The following SLC22A9 variants were observed in gnomAD, a reference collection of about 807,000 sequenced individuals.
The protein encoded by SLC22A9 is solute carrier family 22 member 9, also known as organic anion transporter 7.
Under a neutral mutation model 50.1 loss-of-function variants are expected in SLC22A9, and 64 were observed. That is an observed-to-expected ratio of 1.28 (90% CI 1.04 to 1.57). The LOEUF (loss-of-function observed/expected upper bound fraction) is 1.57. SLC22A9 is among the 40% of genes most tolerant of loss of function. The pLI is 0.00. For missense variants in SLC22A9, 757 were observed against 676.1 expected (o/e 1.12, Z -1.33); for synonymous variants, 261 against 242.5 (o/e 1.08, Z -0.71).
intron 6 of SLC22A9, among the ~76,000 whole-genome samples, chr11:63,405,489 T>A (rs2015021689): frequency 6.6e-6 from 1 of 152,180 alleles, no homozygotes; most frequent in Non-Finnish European, 1.5e-5. Context: ...AACTATTGAC[T>A]CCTTTCTATG....
At position 63,394,083 on chromosome 11, in the gene SLC22A9, T is replaced by C. The variant is rs2014810396; in HGVS notation, c.1073+11806T>C. On this transcript the variant is annotated intron_variant, in intron 6 of 9. Coordinates refer to ENST00000279178, the MANE Select transcript of SLC22A9 (RefSeq NM_080866.3). ...ATATCCTTTCTTCCGTTTGATCAAT[T>C]CAGCTATTGATACTTGTGTATGCTT... Among the ~76,000 whole-genome samples, 3 of 152,166 alleles carry C rather than the reference T, an allele frequency of 2.0e-5. No individual in the cohort carries two copies. In the East Asian group the frequency reaches 5.8e-4, roughly 29 times the overall value.
At chr11:63,407,420 C>A (rs777498038) in intron 7 of SLC22A9, among the ~76,000 whole-genome samples, 15 of 152,202 alleles carry the variant, frequency 9.9e-5, no homozygotes, top group Non-Finnish European at 1.9e-4. Context: ...TTGGTGTGCT[C>A]CACTCCCCCT....
chr11:63,373,361 T>C (rs1223018595), intron 2 of SLC22A9, among the ~76,000 whole-genome samples: 2 of 152,180 alleles, frequency 1.3e-5, no homozygotes, highest in African/African-American at 4.8e-5. Context: ...GGACTTCTGA[T>C]ACTTTAAAAT....
At chr11:63,380,027 C>T (rs1172328135) in intron 5 of SLC22A9, among the ~76,000 whole-genome samples, 3 of 151,652 alleles carry the variant, frequency 2.0e-5, no homozygotes, top group South Asian at 2.1e-4. Flanking sequence ...CCATCGTGCC[C>T]GGCCAAACAA....
At position 63,409,851 on chromosome 11, in the gene SLC22A9, A is replaced by G. The variant is rs773334026; in HGVS notation, c.1651A>G (p.Thr551Ala). 1.2e-6 allele frequency: 2 copies of G among 1,613,590 alleles called. No homozygotes were observed. Among genetic ancestry groups the G allele is most frequent in the African/African-American group, 2.7e-5 (2 of 74,888 alleles). The stretch of plus-strand genomic sequence containing the variant: ...GCAAGAGGATCCGAGAGTGGAAGTG[A>G]CGCAGTTTTAAGGAATTCCAGGAGC... ...PKQEDPRVEV[T>A]QF is the part of the protein sequence containing the mutation. Residue 551 changes from threonine (T) to alanine (A), a missense_variant, in exon 10 of 10, where the codon ACG (threonine) becomes GCG (alanine). Transcript: ENST00000279178.
intron 5 of SLC22A9, among the ~76,000 whole-genome samples, chr11:63,380,360 T>C (rs1354073025): frequency 6.6e-6 from 1 of 152,072 alleles, no homozygotes; most frequent in African/African-American, 2.4e-5. Context: ...AAATGCAAAT[T>C]TTTCTGTCAT....
Position 63,373,797 on chromosome 11 carries a change from A to C in SLC22A9, c.660A>C (p.Leu220Phe). The change falls in exon 3 of 10, where the codon TTA (leucine) becomes TTC (phenylalanine). Residue 220 changes from leucine (L) to phenylalanine (F), a missense_variant and splice_region_variant. Physicochemically the swap from Leu to Phe is conservative, Grantham distance 22. Transcript: ENST00000279178. ...AMSLITNTIM[L>F]IAEWATHRFQ... ...GCCTCATAACAAATACTATTATGTT[A>C]AGTAAGCCAACACTTTGGATCCACA... 3 of 1,607,516 alleles carry C rather than the reference A, an allele frequency of 1.9e-6. No homozygotes were observed. Among genetic ancestry groups the C allele is most frequent in the Non-Finnish European group, 1.7e-6 (2 of 1,177,118 alleles).
At chr11:63,405,650 T>C (rs906625200) in intron 6 of SLC22A9, among the ~76,000 whole-genome samples, 1 of 152,106 alleles carries the variant, frequency 6.6e-6, no homozygotes, top group African/African-American at 2.4e-5. Context: ...AGTTGTACAT[T>C]TTAGTGACAT....
intron 6 of SLC22A9, among the ~76,000 whole-genome samples, chr11:63,394,529 T>C (rs926722669): frequency 2.6e-5 from 4 of 152,160 alleles, no homozygotes; most frequent in Admixed American, 6.6e-5. Flanking sequence ...AATTGTTTTG[T>C]TTGAGGAGGC....
At chr11:63,388,300 A>T (rs1406634066) in intron 6 of SLC22A9, among the ~76,000 whole-genome samples, 1 of 151,372 alleles carries the variant, frequency 6.6e-6, no homozygotes. Flanking sequence ...ACCAGCTATG[A>T]GTCTGTTGTT....
At chr11:63,396,346 C>G (rs532881795) in intron 6 of SLC22A9, among the ~76,000 whole-genome samples, 1 of 152,314 alleles carries the variant, frequency 6.6e-6, no homozygotes, top group African/African-American at 2.4e-5. Context: ...GCATGGGGGC[C>G]TAGCAAGCTC....
In SLC22A9 at chr11:63,400,832, T is replaced by G. The variant is rs1591026706; in HGVS notation, c.1074-5665T>G. ...GACCAAGTGTGATTCATCCCAAGGA[T>G]GCAAGAATGGTTCTGCATAGGCAAG... On this transcript the variant is annotated intron_variant, in intron 6 of 9. Coordinates refer to ENST00000279178, the MANE Select transcript of SLC22A9 (RefSeq NM_080866.3). Among the ~76,000 whole-genome samples the G allele has an allele frequency of 2.0e-5, 3 of 152,296 alleles. No homozygotes were observed. The East Asian group carries it at 5.8e-4, about 29-fold the overall frequency.
chr11:63,395,898 G>A (rs1377320217), intron 6 of SLC22A9, among the ~76,000 whole-genome samples: 2 of 152,076 alleles, frequency 1.3e-5, no homozygotes, highest in Middle Eastern at 3.2e-3. Flanking sequence ...TTGAGGATAG[G>A]GGTGAGGTTC....
chr11:63,375,562 G>C (rs991297029), intron 4 of SLC22A9, 83 bp from the exon 5 acceptor site: 2 of 1,542,382 alleles, frequency 1.3e-6, no homozygotes, highest in African/African-American at 2.8e-5. Flanking sequence ...TTAGCTTGGA[G>C]GGAGAAGACA....
Position 63,373,913 on chromosome 11 carries a change from C to A in SLC22A9, c.681C>A (p.His227Gln), listed in dbSNP as rs1033376962. 9.3e-6 allele frequency: 15 copies of A among 1,613,420 alleles called. No homozygotes were observed. The highest frequency in any genetic ancestry group is 1.6e-4 in the Middle Eastern group (1 of 6,074). ...TIMLIAEWAT[H>Q]RFQAMGITLG... ...TTCCAGTAGCCGAGTGGGCAACACA[C>A]AGATTCCAGGCCATGGGAATTACAT... Residue 227 changes from histidine to glutamine, a missense_variant, in exon 4 of 10, where the codon CAC becomes CAA. Coordinates refer to ENST00000279178, the MANE Select transcript of SLC22A9 (RefSeq NM_080866.3).
intron 6 of SLC22A9, among the ~76,000 whole-genome samples, chr11:63,392,357 T>G (rs1056256732): frequency 6.6e-6 from 1 of 152,084 alleles, no homozygotes; most frequent in Non-Finnish European, 1.5e-5. Flanking sequence ...GTCATTGTCT[T>G]TCAGATGGAA....
rs774716306 is a variant in SLC22A9 at position 63,382,285 on chromosome 11, T to C, written c.1073+8T>C. 1.2e-5 allele frequency: 19 copies of C among 1,591,206 alleles called. No homozygotes were observed. The African/African-American group carries it at 2.6e-4, about 22-fold the overall frequency. The stretch of plus-strand genomic sequence containing the variant: ...CCTCCTGTCCTTTACGAGGTAAGCT[T>C]CATGCAGTGTTTGAGGGTAAGTTAC... On this transcript the variant is annotated splice_region_variant and intron_variant, in intron 6 of 9. Coordinates refer to ENST00000279178, the MANE Select transcript of SLC22A9 (RefSeq NM_080866.3).
chr11:63,406,455 C>T lies in SLC22A9; in HGVS notation c.1074-42C>T, dbSNP rs189967182. The T allele has an allele frequency of 3.1e-5, 49 of 1,564,356 alleles. No individual in the cohort carries two copies. The African/African-American group carries it at 5.3e-4, about 17-fold the overall frequency. ...TATTCTCATTTGTAGGATGTAGGCT[C>T]CACAGATTATAATATGTTTCTTTCC... On this transcript the variant is annotated intron_variant, in intron 6 of 9. Coordinates refer to ENST00000279178, the MANE Select transcript of SLC22A9 (RefSeq NM_080866.3).
intron 6 of SLC22A9, among the ~76,000 whole-genome samples, chr11:63,399,117 A>C (rs904409408): frequency 6.6e-6 from 1 of 152,210 alleles, no homozygotes. Flanking sequence ...GTCCTTATAC[A>C]CAAAAAAGAA....
Sources: allele counts gnomAD v4.1 joint callset (sites outside exome capture counted in the v4.1 genomes callset), GRCh38; gene constraint gnomAD v4.1.1; transcripts MANE v1.5; gene names NCBI Gene and HGNC (gene_info 2026-07-23, HGNC 2026-07-21).